The following KDR variants were observed in gnomAD, a reference collection of about 807,000 sequenced individuals.
The protein encoded by KDR is kinase insert domain receptor.
Under a neutral mutation model 160.9 loss-of-function variants are expected in KDR, and 43 were observed. The observed-to-expected ratio is 0.27, with a 90% confidence interval of 0.21 to 0.34. The LOEUF (loss-of-function observed/expected upper bound fraction) is 0.34. KDR is among the 10% of genes least tolerant of loss of function. The probability of loss-of-function intolerance (pLI) is 1.00; values close to 1 mark genes in which losing one functional copy is unlikely to be tolerated. For synonymous variants in KDR, 617 were observed against 600.1 expected (o/e 1.03, Z -0.41); for missense variants, 1,469 against 1,666.4 (o/e 0.88, Z 2.06).
Position 55,095,562 on chromosome 4 carries a change from T to C in KDR, c.2817+15A>G. On this transcript the variant is annotated intron_variant, in intron 20 of 29. Coordinates refer to ENST00000263923, the MANE Select transcript of KDR (RefSeq NM_002253.4). ...TTTTATAACATGGCCAGAGCAGGAT[T>C]AGGAGATGACATACCTTGTAGGGGA... is the stretch of plus-strand genomic sequence containing the variant. The C allele has an allele frequency of 6.4e-7, 1 of 1,556,344 alleles. No individual in the cohort carries two copies. The highest frequency in any genetic ancestry group is 8.9e-7 in the Non-Finnish European group (1 of 1,127,204).
intron 12 of KDR, among the ~76,000 whole-genome samples, 169 bp downstream of exon 12, chr4:55,105,663 A>T (rs546074217): frequency 3.9e-5 from 6 of 152,216 alleles, no homozygotes; most frequent in Non-Finnish European, 8.8e-5. Flanking sequence ...TAAGCCCAGG[A>T]GATACCTGAG....
chr4:55,109,814 T>C (rs548853455), intron 9 of KDR, among the ~76,000 whole-genome samples: 1 of 152,152 alleles, frequency 6.6e-6, no homozygotes, highest in African/African-American at 2.4e-5. Flanking sequence ...CCTTTCAGTT[T>C]CAGAAAACAA....
chr4:55,109,829 C>CA (rs1489764747), intron 9 of KDR, among the ~76,000 whole-genome samples: 13 of 152,120 alleles, frequency 8.5e-5, no homozygotes, highest in African/African-American at 2.7e-4. Context: ...AAACAAAGTT[C>CA]AAATTATCTT....
chr4:55,124,121 A>G (rs1482718778), intron 1 of KDR, among the ~76,000 whole-genome samples: 3 of 152,194 alleles, frequency 2.0e-5, no homozygotes, highest in Non-Finnish European at 4.4e-5. Flanking sequence ...GTAACCATGG[A>G]CAGATGATCC....
chr4:55,096,474 C>T, intron 18 of KDR, 132 bp from the exon 19 acceptor site: 1 of 660,806 alleles, frequency 1.5e-6, no homozygotes, highest in South Asian at 1.6e-5. Context: ...GTTTACAGAC[C>T]ACATGCATTT....
At chr4:55,085,542 G>A (rs905722367) in intron 27 of KDR, among the ~76,000 whole-genome samples, 3 of 152,202 alleles carry the variant, frequency 2.0e-5, no homozygotes, top group African/African-American at 7.2e-5. Context: ...AACCCCAGGA[G>A]AGCAACAGAA....
Position 55,089,767 on chromosome 4 carries a change from T to G in KDR, c.3228A>C (p.Thr1076=). The G allele has an allele frequency of 6.2e-7, 1 of 1,614,032 alleles. No individual in the cohort carries two copies. The highest frequency in any genetic ancestry group is 1.1e-5 in the South Asian group (1 of 91,076). Reference sequence around the variant, plus strand: ...GGATTGTGTACACTCTGTCAAAAATTGTTTCTGGGGCCATCCATTTCAAAG... The same window carrying G: ...GGATTGTGTACACTCTGTCAAAAATGGTTTCTGGGGCCATCCATTTCAAAG... The part of the protein sequence containing the change: ...RLPLKWMAPE[T]IFDRVYTIQS... Residue 1076 remains threonine (T), a synonymous_variant, in exon 24 of 30, where the codon ACA becomes ACC. Transcript: ENST00000263923.
At chr4:55,107,626 G>A (rs1720476689) in intron 10 of KDR, 111 bp downstream of exon 10, 3 of 1,373,538 alleles carry the variant, frequency 2.2e-6, no homozygotes, top group Admixed American at 1.7e-5. Flanking sequence ...TACCTCTTGA[G>A]AGAAAACTTT....
intron 5 of KDR, among the ~76,000 whole-genome samples, chr4:55,114,643 G>C (rs1377900069): frequency 6.6e-6 from 1 of 152,102 alleles, no homozygotes; most frequent in African/African-American, 2.4e-5. Context: ...AATACCATTC[G>C]CTTTCATCCT....
intron 15 of KDR, among the ~76,000 whole-genome samples, chr4:55,100,651 T>A (rs1315901414): frequency 2.6e-5 from 4 of 152,194 alleles, no homozygotes; most frequent in Non-Finnish European, 5.9e-5. Flanking sequence ...GTCTTTGAAA[T>A]CTTTATTTGC....
chr4:55,096,855 T>C (rs1366942887), intron 18 of KDR: 1 of 188,582 alleles, frequency 5.3e-6, no homozygotes, highest in African/African-American at 2.3e-5. Context: ...ACTAAGACTA[T>C]GTGTTTGATC....
At chr4:55,106,837 T>C in intron 10 of KDR, 27 bp from the exon 11 acceptor site, 1 of 1,591,326 alleles carries the variant, frequency 6.3e-7, no homozygotes, top group Non-Finnish European at 8.6e-7. Flanking sequence ...ACAGCGCATA[T>C]TATGATTTAA....
At chr4:55,122,156 TAA>T (rs1361122358) in intron 1 of KDR, among the ~76,000 whole-genome samples, 1 of 152,102 alleles carries the variant, frequency 6.6e-6, no homozygotes, top group East Asian at 1.9e-4. Flanking sequence ...TCTTTACCTA[TAA>T]GGGATAAGAA....
rs35961234 is a variant in KDR, at chr4:55,080,004, G to A, written c.4008C>T (p.Thr1336=). The change falls in exon 30 of 30, where the codon ACC becomes ACT. Residue 1336 remains threonine (T), a synonymous_variant. Transcript: ENST00000263923. ...LLKLIEIGVQ[T]GSTAQILQPD... ...GCTGGAGAATCTGGGCTGTGCTACC[G>A]GTTTGCACTCCAATCTCTATCAGCT... 42,670 of 1,614,102 alleles carry A rather than the reference G, an allele frequency of 0.026. 750 individuals are homozygous for A. The highest frequency in any genetic ancestry group is 0.03 in the Non-Finnish European group (35,630 of 1,179,996).
At chr4:55,086,438 C>G (rs900528630) in intron 27 of KDR, among the ~76,000 whole-genome samples, 2 of 152,132 alleles carry the variant, frequency 1.3e-5, no homozygotes, top group South Asian at 4.2e-4. Context: ...TCATTTCTAT[C>G]TGACTCTAAT....
intron 17 of KDR, 148 bp from the exon 18 acceptor site, chr4:55,097,914 T>C: frequency 1.2e-6 from 1 of 841,376 alleles, no homozygotes. Flanking sequence ...GGCTTAATTA[T>C]TTAATAACTC....
chr4:55,116,946 T>G (rs1369295963), intron 3 of KDR, among the ~76,000 whole-genome samples: 1 of 152,170 alleles, frequency 6.6e-6, no homozygotes, highest in African/African-American at 2.4e-5. Flanking sequence ...TCCTAGAACT[T>G]TAAGCTTAGA....
At position 55,121,089 on chromosome 4, in the gene KDR, A is replaced by C. The variant is rs1452876654; in HGVS notation, c.161+8T>G. The C allele has an allele frequency of 6.3e-7, 1 of 1,578,210 alleles. No individual in the cohort carries two copies. The highest frequency in any genetic ancestry group is 1.3e-5 in the African/African-American group (1 of 74,318). On this transcript the variant is annotated splice_region_variant and intron_variant, in intron 2 of 29. Coordinates refer to ENST00000263923, the MANE Select transcript of KDR (RefSeq NM_002253.4). ...CACAAGAAATCTAGATCTAGAATGA[A>C]TCCTTACCTGCAAGTAATTTGAAGA...
At chr4:55,105,751 G>A in intron 12 of KDR, 81 bp downstream of exon 12, 1 of 879,378 alleles carries the variant, frequency 1.1e-6, no homozygotes. Context: ...TCACATGAAT[G>A]GCAAAAACAA....
Sources: allele counts gnomAD v4.1 joint callset (sites outside exome capture counted in the v4.1 genomes callset), GRCh38; gene constraint gnomAD v4.1.1; transcripts MANE v1.5; gene names NCBI Gene and HGNC (gene_info 2026-07-23, HGNC 2026-07-21).